The following HCN1 variants were observed in gnomAD, a reference collection of about 807,000 sequenced individuals.
HCN1 encodes potassium/sodium hyperpolarization-activated cyclic nucleotide-gated channel 1.
A neutral mutation model predicts 78.9 loss-of-function variants in HCN1; 13 were observed. That is an observed-to-expected ratio of 0.16 (90% CI 0.11 to 0.26). The LOEUF (loss-of-function observed/expected upper bound fraction) is 0.26. Ranked by LOEUF, HCN1 falls within the 10% of genes least tolerant of loss-of-function variation. HCN1 has a pLI of 1.00. For synonymous variants in HCN1, 552 were observed against 455.5 expected (o/e 1.21, Z -2.70); for missense variants, 810 against 1,154.3 (o/e 0.70, Z 4.32).
chr5:45,510,729 T>A (rs1742398053), intron 2 of HCN1, among the ~76,000 whole-genome samples: 1 of 152,104 alleles, frequency 6.6e-6, no homozygotes, highest in Non-Finnish European at 1.5e-5. Flanking sequence ...TGCCATCATG[T>A]CCACATTCCA....
At chr5:45,556,297 C>T (rs770770272) in intron 2 of HCN1, among the ~76,000 whole-genome samples, 8 of 151,732 alleles carry the variant, frequency 5.3e-5, no homozygotes, top group Non-Finnish European at 1.2e-4. Flanking sequence ...AGAATCTATC[C>T]TTCACCTGTT....
intron 4 of HCN1, among the ~76,000 whole-genome samples, chr5:45,387,780 A>G (rs1747956656): frequency 1.3e-5 from 2 of 152,140 alleles, no homozygotes; most frequent in Admixed American, 6.6e-5. Flanking sequence ...GATGCCTAAA[A>G]CTGCAGATAG....
intron 2 of HCN1, among the ~76,000 whole-genome samples, chr5:45,641,544 T>C (rs1441729827): frequency 3.3e-5 from 5 of 152,166 alleles, no homozygotes; most frequent in Non-Finnish European, 4.4e-5. Context: ...GTTGGGGAGA[T>C]AGGAAATGAT....
chr5:45,330,006 T>C (rs1024587231), intron 5 of HCN1, among the ~76,000 whole-genome samples: 1 of 151,410 alleles, frequency 6.6e-6, no homozygotes, highest in Admixed American at 6.6e-5. Context: ...TTAGAGATTT[T>C]ACTTTGGAAA....
intron 1 of HCN1, among the ~76,000 whole-genome samples, chr5:45,676,939 C>G (rs983449499): frequency 6.6e-6 from 1 of 151,736 alleles, no homozygotes; most frequent in Non-Finnish European, 1.5e-5. Context: ...TACTAGCAAT[C>G]CATATATCAT....
chr5:45,436,937 T>A (rs371752866), intron 3 of HCN1, among the ~76,000 whole-genome samples: 1 of 152,146 alleles, frequency 6.6e-6, no homozygotes. Flanking sequence ...ATACAGTAAA[T>A]GAAAACTTGG....
intron 2 of HCN1, among the ~76,000 whole-genome samples, chr5:45,507,480 T>C (rs1287022625): frequency 6.6e-6 from 1 of 152,148 alleles, no homozygotes; most frequent in African/African-American, 2.4e-5. Flanking sequence ...GCACACTCCA[T>C]TTTCATGCTT....
At chr5:45,493,179 G>T (rs1463718474) in intron 2 of HCN1, among the ~76,000 whole-genome samples, 1 of 151,824 alleles carries the variant, frequency 6.6e-6, no homozygotes, top group Non-Finnish European at 1.5e-5. Flanking sequence ...ACTGATTCTG[G>T]ATTTTTAACT....
At chr5:45,502,280 C>T (rs1054822302) in intron 2 of HCN1, among the ~76,000 whole-genome samples, 9 of 150,554 alleles carry the variant, frequency 6.0e-5, no homozygotes, top group Non-Finnish European at 1.0e-4. Context: ...CCAGCCTGAT[C>T]AACATGGTGA....
At chr5:45,404,272 G>A (rs192760888) in intron 3 of HCN1, among the ~76,000 whole-genome samples, 51 of 152,146 alleles carry the variant, frequency 3.4e-4, no homozygotes, top group African/African-American at 1.2e-3. Context: ...ATGGGAGACT[G>A]TATACTCAAA....
intron 2 of HCN1, among the ~76,000 whole-genome samples, chr5:45,507,718 T>A (rs1041722787): frequency 1.3e-5 from 2 of 152,070 alleles, no homozygotes; most frequent in African/African-American, 2.4e-5. Flanking sequence ...AAAGGATAAT[T>A]TTTAGGTCTT....
intron 4 of HCN1, among the ~76,000 whole-genome samples, chr5:45,367,533 C>T (rs1747260274): frequency 6.6e-6 from 1 of 151,728 alleles, no homozygotes; most frequent in African/African-American, 2.4e-5. Flanking sequence ...ATGATGTTAC[C>T]AGTGGTAAGA....
At chr5:45,462,507 G>C (rs1210458191) in intron 2 of HCN1, among the ~76,000 whole-genome samples, 1 of 152,062 alleles carries the variant, frequency 6.6e-6, no homozygotes, top group Non-Finnish European at 1.5e-5. Flanking sequence ...TAAATTTATA[G>C]CTATGTGAGT....
chr5:45,445,239 C>T (rs1740764296), intron 3 of HCN1, among the ~76,000 whole-genome samples: 1 of 152,310 alleles, frequency 6.6e-6, no homozygotes, highest in Non-Finnish European at 1.5e-5. Flanking sequence ...TTATATCCCG[C>T]ACCTGGCTCG....
At chr5:45,282,273 G>A (rs1306914927) in intron 6 of HCN1, among the ~76,000 whole-genome samples, 1 of 152,178 alleles carries the variant, frequency 6.6e-6, no homozygotes, top group Non-Finnish European at 1.5e-5. Context: ...TTTAAAAATT[G>A]TTTTCCCAAT....
At chr5:45,564,010 C>A (rs1365173921) in intron 2 of HCN1, among the ~76,000 whole-genome samples, 2 of 152,140 alleles carry the variant, frequency 1.3e-5, no homozygotes, top group African/African-American at 4.8e-5. Flanking sequence ...ACATATGACA[C>A]CTGAGCAAAA....
At chr5:45,596,726 G>A (rs1744507541) in intron 2 of HCN1, among the ~76,000 whole-genome samples, 1 of 152,102 alleles carries the variant, frequency 6.6e-6, no homozygotes, top group African/African-American at 2.4e-5. Flanking sequence ...AAAGTTCTGT[G>A]TTAAGCTATG....
intron 2 of HCN1, among the ~76,000 whole-genome samples, chr5:45,556,908 T>C (rs1743481828): frequency 6.6e-6 from 1 of 152,142 alleles, no homozygotes; most frequent in East Asian, 1.9e-4. Flanking sequence ...GGAGATCCTA[T>C]TGACACCTGA....
At chr5:45,432,064 T>C (rs2112078034) in intron 3 of HCN1, among the ~76,000 whole-genome samples, 1 of 152,318 alleles carries the variant, frequency 6.6e-6, no homozygotes, top group Admixed American at 6.5e-5. Context: ...TTCCTATCCA[T>C]GAGCGTATAA....
Sources: allele counts gnomAD v4.1 joint callset (sites outside exome capture counted in the v4.1 genomes callset), GRCh38; gene constraint gnomAD v4.1.1; transcripts MANE v1.5; gene names NCBI Gene and HGNC (gene_info 2026-07-23, HGNC 2026-07-21).